GRAMD1B: variants seen among roughly 807,000 people sequenced by gnomAD.
GRAMD1B encodes GRAM domain containing 1B, also known as protein Aster-B.
Under a neutral mutation model 99.7 loss-of-function variants are expected in GRAMD1B, and 37 were observed. That is an observed-to-expected ratio of 0.37 (90% CI 0.29 to 0.49). GRAMD1B has a LOEUF of 0.49. Ranked by LOEUF, GRAMD1B falls within the 20% of genes least tolerant of loss-of-function variation. The probability of loss-of-function intolerance (pLI) is 0.98; values close to 1 mark genes in which losing one functional copy is unlikely to be tolerated. For synonymous variants in GRAMD1B, 427 were observed against 387.6 expected (o/e 1.10, Z -1.19); for missense variants, 888 against 1,009.2 (o/e 0.88, Z 1.63).
intron 1 of GRAMD1B, among the ~76,000 whole-genome samples, chr11:123,371,750 G>A (rs908355053): frequency 3.9e-5 from 6 of 152,276 alleles, no homozygotes; most frequent in South Asian, 4.2e-4. Flanking sequence ...GCACCAGCAC[G>A]TGAGAGCCCT....
intron 1 of GRAMD1B, among the ~76,000 whole-genome samples, chr11:123,404,142 A>G (rs61904738): frequency 0.12 from 18,463 of 152,028 alleles, 1,437 homozygotes; most frequent in African/African-American, 0.23. Context: ...TTATCTGCCT[A>G]GGTCTAATCT....
At chr11:123,615,897 A>G (rs1275067) in intron 17 of GRAMD1B, among the ~76,000 whole-genome samples, 1 of 152,220 alleles carries the variant, frequency 6.6e-6, no homozygotes, top group South Asian at 2.1e-4. Flanking sequence ...CTGGGGACCA[A>G]CTACAGGAGG....
intron 2 of GRAMD1B, among the ~76,000 whole-genome samples, chr11:123,518,517 C>T (rs1400055328): frequency 6.6e-6 from 1 of 152,062 alleles, no homozygotes; most frequent in Non-Finnish European, 1.5e-5. Context: ...TTTCCTTACC[C>T]CGAGTTGCAT....
At position 123,381,389 on chromosome 11, in the gene GRAMD1B, C is replaced by T. The variant is rs111888383; in HGVS notation, c.-176+22590C>T. On this transcript the variant is annotated intron_variant, in intron 1 of 20. Transcript: ENST00000638157. ...TCCCTATTGCGTCATGAGACAAGTCCTGGTTAGGAGAGCTGGGTCCCAAAT... is the reference window on the plus strand; with the variant it reads ...TCCCTATTGCGTCATGAGACAAGTCTTGGTTAGGAGAGCTGGGTCCCAAAT... 975 of 154,438 alleles carry T rather than the reference C, an allele frequency of 6.3e-3. 10 individuals are homozygous for T. The highest frequency in any genetic ancestry group is 0.022 in the African/African-American group (914 of 41,636). 9.6% of individuals were successfully genotyped at this position (154,438 alleles called of 1,614,324 possible). A position where few individuals can be genotyped will look rare whatever the true frequency, so the allele number is the denominator to read the frequency against.
chr11:123,464,332 A>C (rs946026789), intron 1 of GRAMD1B, among the ~76,000 whole-genome samples: 6 of 152,238 alleles, frequency 3.9e-5, no homozygotes, highest in Non-Finnish European at 8.8e-5. Context: ...TGATAATAAT[A>C]ATAATAACAT....
intron 2 of GRAMD1B, among the ~76,000 whole-genome samples, chr11:123,556,916 G>A (rs1023001434): frequency 3.9e-5 from 6 of 152,154 alleles, no homozygotes; most frequent in African/African-American, 7.2e-5. Context: ...TATAAACACC[G>A]TTAGGACAAA....
chr11:123,466,302 G>A (rs1312254639), intron 1 of GRAMD1B, among the ~76,000 whole-genome samples: 1 of 139,644 alleles, frequency 7.2e-6, no homozygotes, highest in Admixed American at 7.8e-5. Flanking sequence ...AAGAAAGAAA[G>A]AGAGAGAGAG....
intron 2 of GRAMD1B, among the ~76,000 whole-genome samples, chr11:123,564,113 C>A (rs1244798260): frequency 6.6e-6 from 1 of 152,202 alleles, no homozygotes; most frequent in East Asian, 1.9e-4. Context: ...CACAACTTCT[C>A]CCCCACCTGC....
At chr11:123,527,669 G>A (rs1942935209) in intron 2 of GRAMD1B, among the ~76,000 whole-genome samples, 1 of 152,142 alleles carries the variant, frequency 6.6e-6, no homozygotes, top group Non-Finnish European at 1.5e-5. Context: ...GTAGAGCCAT[G>A]CTCAGTCTGT....
intron 6 of GRAMD1B, 25 bp from the exon 7 acceptor site, chr11:123,595,917 C>T (rs1275017688): frequency 6.9e-7 from 1 of 1,446,190 alleles, no homozygotes; most frequent in Non-Finnish European, 9.6e-7. Flanking sequence ...GCTTGTTGCC[C>T]ATTCTCTGTC....
At chr11:123,596,685 T>C (rs978163811) in intron 7 of GRAMD1B, among the ~76,000 whole-genome samples, 1 of 152,248 alleles carries the variant, frequency 6.6e-6, no homozygotes, top group African/African-American at 2.4e-5. Context: ...AGATAGTGTT[T>C]GGTTTGACCT....
chr11:123,490,349 C>A (rs1355445639), intron 2 of GRAMD1B, among the ~76,000 whole-genome samples: 1 of 152,076 alleles, frequency 6.6e-6, no homozygotes, highest in Non-Finnish European at 1.5e-5. Context: ...CCAGGATGAC[C>A]AGGATATAGC....
At chr11:123,360,208 G>A (rs1317409948) in intron 1 of GRAMD1B, among the ~76,000 whole-genome samples, 1 of 152,158 alleles carries the variant, frequency 6.6e-6, no homozygotes, top group African/African-American at 2.4e-5. Context: ...GGTTAGATAG[G>A]AAAGTGTAGA....
intron 2 of GRAMD1B, among the ~76,000 whole-genome samples, chr11:123,502,916 G>A (rs1355158280): frequency 6.6e-6 from 1 of 152,148 alleles, no homozygotes; most frequent in Non-Finnish European, 1.5e-5. Flanking sequence ...AAATCATCTG[G>A]CAGTACAGTT....
At chr11:123,596,817 G>A (rs995222229) in intron 7 of GRAMD1B, among the ~76,000 whole-genome samples, 2 of 152,174 alleles carry the variant, frequency 1.3e-5, no homozygotes, top group South Asian at 2.1e-4. Context: ...TCCTGCAGCA[G>A]GCCTGACTTT....
chr11:123,531,709 CG>C (rs1830674788), intron 2 of GRAMD1B, among the ~76,000 whole-genome samples: 2 of 147,484 alleles, frequency 1.4e-5, no homozygotes, highest in South Asian at 4.3e-4. Flanking sequence ...AAGGATGTGA[CG>C]GACTACATAT....
intron 1 of GRAMD1B, among the ~76,000 whole-genome samples, chr11:123,443,705 C>T (rs1317794681): frequency 2.0e-5 from 3 of 152,110 alleles, no homozygotes; most frequent in Non-Finnish European, 4.4e-5. Context: ...GCCTCAGCCT[C>T]CTGAGTAGCT....
At chr11:123,609,024 C>T (rs1367568934) in intron 12 of GRAMD1B, among the ~76,000 whole-genome samples, 1 of 152,088 alleles carries the variant, frequency 6.6e-6, no homozygotes, top group Non-Finnish European at 1.5e-5. Flanking sequence ...TCACCCTTTC[C>T]CACTACACAC....
intron 1 of GRAMD1B, among the ~76,000 whole-genome samples, chr11:123,405,751 G>C (rs1477054438): frequency 6.6e-6 from 1 of 152,186 alleles, no homozygotes; most frequent in East Asian, 1.9e-4. Flanking sequence ...AGGGGAGAGG[G>C]CATAGTAGGC....
Sources: gnomAD v4.1 joint callset for allele counts (sites outside exome capture counted in the v4.1 genomes callset) on GRCh38, gnomAD v4.1.1 for gene constraint, MANE v1.5 for transcripts, NCBI Gene and HGNC (gene_info 2026-07-23, HGNC 2026-07-21) for gene names.